KLHL5: variants seen among roughly 807,000 people sequenced by gnomAD.
The protein encoded by KLHL5 is kelch like family member 5.
Under a neutral mutation model 77.7 loss-of-function variants are expected in KLHL5, and 48 were observed. The observed-to-expected ratio is 0.62, with a 90% CI of 0.49 to 0.79. The LOEUF (loss-of-function observed/expected upper bound fraction) is 0.79. KLHL5 is among the 30% of genes least tolerant of loss of function. The pLI is 0.00. For missense variants in KLHL5, 723 were observed against 859.7 expected, an observed-to-expected ratio of 0.84 and a Z score of 1.99; for synonymous variants, 260 against 297.0, an observed-to-expected ratio of 0.88 and a Z score of 1.28.
intron 6 of KLHL5, 63 bp from the exon 7 acceptor site, chr4:39,103,224 T>G (rs1721751090): frequency 8.8e-7 from 1 of 1,140,120 alleles, no homozygotes; most frequent in African/African-American, 1.5e-5. Flanking sequence ...TATCTGTAAT[T>G]TCATAAAATT....
At chr4:39,107,806 G>T in intron 8 of KLHL5, 75 bp downstream of exon 8, 2 of 1,115,366 alleles carry the variant, frequency 1.8e-6, no homozygotes, top group Non-Finnish European at 2.5e-6. Flanking sequence ...CTAATTTAAA[G>T]ATATACATAA....
chr4:39,129,483 C>T (rs568323520), downstream of KLHL5, among the ~76,000 whole-genome samples: 61 of 152,222 alleles, frequency 4.0e-4, no homozygotes, highest in African/African-American at 1.4e-3. The surrounding 1 kb of genome is among the most constrained non-coding windows in gnomAD (Gnocchi z 4.2). Context: ...GCTGGGATTA[C>T]AGGCATGAGT....
At chr4:39,135,852 C>G in the KLHL5 span, among the ~76,000 whole-genome samples, 159 of 152,012 alleles carry the variant, frequency 1.0e-3, 1 homozygote, top group Admixed American at 3.5e-3. Context: ...TGCAGTAAGC[C>G]GAAATCACAC....
chr4:39,109,627 CT>C (rs1229996805), intron 8 of KLHL5, among the ~76,000 whole-genome samples: 3 of 124,878 alleles, frequency 2.4e-5, no homozygotes, highest in Admixed American at 9.4e-5. Flanking sequence ...ATTTCTTTTT[CT>C]TTTTTTTTCT....
chr4:39,130,126 A>C (rs578216027), downstream of KLHL5, among the ~76,000 whole-genome samples: 1 of 152,330 alleles, frequency 6.6e-6, no homozygotes, highest in South Asian at 2.1e-4. Context: ...AGAGGTGTGA[A>C]GTGGGAAATC....
chr4:39,044,865 CG>C, upstream of KLHL5: 1 of 854,918 alleles, frequency 1.2e-6, no homozygotes, highest in Non-Finnish European at 1.4e-6. Flanking sequence ...CCGCCCCCTC[CG>C]GGGCCACCCG....
At chr4:39,140,233 G>C in the KLHL5 span, among the ~76,000 whole-genome samples, 3 of 151,914 alleles carry the variant, frequency 2.0e-5, no homozygotes, top group Non-Finnish European at 4.4e-5. Context: ...TGTCTCAAAC[G>C]AAACAAAAAA....
downstream of KLHL5, among the ~76,000 whole-genome samples, chr4:39,129,444 G>A (rs1340314708): frequency 5.9e-5 from 9 of 152,076 alleles, no homozygotes; most frequent in Non-Finnish European, 7.4e-5. This position sits in a 1 kb window ranked among gnomAD's most constrained non-coding sequence, Gnocchi z 4.2. Context: ...TCCTGACCTC[G>A]TGATCCGCCC....
chr4:39,115,964 A>G, intron 10 of KLHL5: 1 of 985,882 alleles, frequency 1.0e-6, no homozygotes, highest in Non-Finnish European at 1.2e-6. Context: ...TACTTGGTAC[A>G]TAAAAGACAA....
intron 7 of KLHL5, among the ~76,000 whole-genome samples, chr4:39,105,150 A>AT (rs5857651): frequency 0.024 from 3,460 of 147,030 alleles, 130 homozygotes; most frequent in African/African-American, 0.077. Context: ...GTTCTGCTAA[A>AT]TTTTTTTTTT....
At chr4:39,075,349 AG>A (rs1446371981) in intron 1 of KLHL5, among the ~76,000 whole-genome samples, 3 of 147,722 alleles carry the variant, frequency 2.0e-5, no homozygotes, top group Non-Finnish European at 4.5e-5. Context: ...AAAAAAAAAA[AG>A]AAAGAAATCA....
intron 10 of KLHL5, among the ~76,000 whole-genome samples, chr4:39,119,400 A>G (rs951997879): frequency 1.3e-5 from 2 of 152,204 alleles, no homozygotes; most frequent in African/African-American, 4.8e-5. Flanking sequence ...AGCCTGGGCA[A>G]CATGGTAAAG....
chr4:39,096,796 C>A lies in KLHL5; in HGVS notation c.1218C>A (p.Pro406=). ...ACCATTTATTACCAGAGAGACGACC[C>A]ATGTTACAAAGTCCTCGGACAAAAC... is the stretch of plus-strand genomic sequence containing the variant. ...MKYHLLPERR[P]MLQSPRTKPR... is the part of the protein sequence containing the mutation. The change falls in exon 6 of 11, where the codon CCC becomes CCA. Residue 406 remains proline (P), a synonymous_variant. Coordinates refer to ENST00000504108, the MANE Select transcript of KLHL5 (RefSeq NM_015990.5). 6.2e-7 allele frequency: 1 copy of A among 1,613,758 alleles called. No individual in the cohort carries two copies. Among genetic ancestry groups the A allele is most frequent in the Non-Finnish European group, 8.5e-7 (1 of 1,179,700 alleles).
intron 1 of KLHL5, among the ~76,000 whole-genome samples, chr4:39,053,754 TTAAAA>T (rs1716821736): frequency 6.6e-6 from 1 of 152,202 alleles, no homozygotes; most frequent in Non-Finnish European, 1.5e-5. Flanking sequence ...ACAGGTGAGC[TTAAAA>T]TAAAGGCTAT....
Position 39,082,126 on chromosome 4 carries a change from A to G in KLHL5, c.867A>G (p.Thr289=). Residue 289 remains threonine, a synonymous_variant, in exon 4 of 11, where the codon ACA becomes ACG. Transcript: ENST00000504108. The part of the protein sequence containing the change: ...IRSFADAQGC[T]DLHKVAHNYT... Reference sequence around the variant, plus strand: ...CTTTTGCTGATGCCCAAGGTTGTACAGATTTGCATAAAGTGGCTCACAATT... The same window carrying G: ...CTTTTGCTGATGCCCAAGGTTGTACGGATTTGCATAAAGTGGCTCACAATT... 1 of 1,608,624 alleles carries G rather than the reference A, an allele frequency of 6.2e-7. No homozygotes were observed. Among genetic ancestry groups the G allele is most frequent in the Non-Finnish European group, 8.5e-7 (1 of 1,178,420 alleles).
intron 10 of KLHL5, chr4:39,116,291 C>G (rs1722836512): frequency 6.6e-6 from 1 of 152,378 alleles, no homozygotes; most frequent in Admixed American, 6.6e-5. Context: ...AGAGATCATG[C>G]CACTGCACTT....
chr4:39,096,961 T>C, intron 6 of KLHL5, 83 bp downstream of exon 6: 1 of 1,152,658 alleles, frequency 8.7e-7, no homozygotes, highest in Non-Finnish European at 1.3e-6. Flanking sequence ...AAGAACTCTT[T>C]GGAGAAATGG....
At position 39,107,691 on chromosome 4, in the gene KLHL5, A is replaced by AC; in HGVS notation, c.1652dup (p.Arg552Ter). 6.2e-7 allele frequency: 1 copy of AC among 1,612,558 alleles called. No individual in the cohort carries two copies. Among genetic ancestry groups the AC allele is most frequent in the Non-Finnish European group, 8.5e-7 (1 of 1,178,950 alleles). ...GTGGAATTTTGTTGCCACTATGTCT[A>AC]CCCCTAGGAGTACAGTAGGTGTGGC... On this transcript the variant is annotated frameshift_variant, in exon 8 of 11. Transcript: ENST00000504108. LOFTEE classifies it high-confidence loss of function.
Position 39,086,626 on chromosome 4 carries a change from T to C in KLHL5, c.1012T>C (p.Leu338=), listed in dbSNP as rs771552716. 9.3e-6 allele frequency: 15 copies of C among 1,613,862 alleles called. No homozygotes were observed. Among genetic ancestry groups the C allele is most frequent in the South Asian group, 5.5e-5 (5 of 91,086 alleles). The change falls in exon 5 of 11, where the codon TTG becomes CTG. Residue 338 remains leucine (L), a synonymous_variant. Transcript: ENST00000504108. The part of the protein sequence containing the change: ...DMNIPNEETI[L]NALLTWVRHD... ...GAACATTCCTAATGAGGAGACAATA[T>C]TGAATGCACTTCTTACTTGGGTCCG... is the stretch of plus-strand genomic sequence containing the variant.
Sources: gnomAD v4.1 joint callset for allele counts (sites outside exome capture counted in the v4.1 genomes callset) on GRCh38, gnomAD v4.1.1 for gene constraint, Gnocchi (gnomAD v3.1) non-coding constraint, MANE v1.5 for transcripts, NCBI Gene and HGNC (gene_info 2026-07-23, HGNC 2026-07-21) for gene names.